The following PALM2AKAP2 variants were observed in gnomAD, a reference collection of about 807,000 sequenced individuals.
The protein encoded by PALM2AKAP2 is PALM2-AKAP2 fusion protein.
Under a neutral mutation model 71.5 loss-of-function variants are expected in PALM2AKAP2, and 37 were observed. The observed-to-expected ratio is 0.52, with a 90% CI of 0.40 to 0.68. The LOEUF (loss-of-function observed/expected upper bound fraction) is 0.68, where lower values mean the gene tolerates loss of function less well. Among genes scored for constraint, PALM2AKAP2 ranks in the 30% least tolerant of loss-of-function variants. The pLI, the probability that PALM2AKAP2 is intolerant of heterozygous loss-of-function variation, is 0.00. For missense variants in PALM2AKAP2, 1,224 were observed against 1,191.8 expected (o/e 1.03, Z -0.40); for synonymous variants, 468 against 478.8 (o/e 0.98, Z 0.29).
intron 6 of PALM2AKAP2, among the ~76,000 whole-genome samples, chr9:109,980,277 C>T (rs911714426): frequency 2.0e-5 from 3 of 152,178 alleles, no homozygotes; most frequent in African/African-American, 7.2e-5. Context: ...CCTTGCTTTC[C>T]TCAGTGAAAG....
intron 1 of PALM2AKAP2, among the ~76,000 whole-genome samples, chr9:109,832,491 T>C (rs1262642671): frequency 6.6e-6 from 1 of 152,212 alleles, no homozygotes; most frequent in African/African-American, 2.4e-5. Flanking sequence ...TTTTCAACTT[T>C]GGTCCCTAGG....
intron 1 of PALM2AKAP2, among the ~76,000 whole-genome samples, chr9:110,053,523 G>A (rs1221262693): frequency 1.8e-5 from 1 of 54,608 alleles, no homozygotes; most frequent in African/African-American, 7.5e-5. Context: ...CAAGAACTCT[G>A]TCTCAAAAAA....
At chr9:110,141,069 T>G (rs1836015970) in intron 2 of PALM2AKAP2, among the ~76,000 whole-genome samples, 1 of 152,228 alleles carries the variant, frequency 6.6e-6, no homozygotes, top group Non-Finnish European at 1.5e-5. Context: ...TCCAACTTTA[T>G]TTCTAGCACA....
chr9:109,988,998 C>T (rs920511908), intron 6 of PALM2AKAP2, among the ~76,000 whole-genome samples: 2 of 152,140 alleles, frequency 1.3e-5, no homozygotes, highest in African/African-American at 4.8e-5. Flanking sequence ...GTGCCTTTGC[C>T]TTCTGCCATG....
At chr9:109,967,913 GGT>G (rs1438247067) in intron 6 of PALM2AKAP2, among the ~76,000 whole-genome samples, 1 of 152,170 alleles carries the variant, frequency 6.6e-6, no homozygotes, top group Admixed American at 6.5e-5. Flanking sequence ...CAGGCAGGAT[GGT>G]GTGTGAGTAT....
At chr9:110,110,979 A>G (rs911543165) in intron 1 of PALM2AKAP2, among the ~76,000 whole-genome samples, 1 of 151,866 alleles carries the variant, frequency 6.6e-6, no homozygotes, top group African/African-American at 2.4e-5. Flanking sequence ...GTTTTTGTTC[A>G]TATCCCAATT....
intron 7 of PALM2AKAP2, among the ~76,000 whole-genome samples, chr9:110,038,928 T>C (rs1436100822): frequency 4.9e-5 from 1 of 20,498 alleles, no homozygotes; most frequent in Non-Finnish European, 9.0e-5. Context: ...AGAGCAAAAC[T>C]CGGTCTCAAA....
chr9:109,750,724 T>G (rs1186649819), intron 1 of PALM2AKAP2, among the ~76,000 whole-genome samples: 4 of 152,132 alleles, frequency 2.6e-5, no homozygotes, highest in African/African-American at 9.7e-5. Flanking sequence ...CTAAAGGTCA[T>G]GATAGCTACT....
rs537760635 is a variant in PALM2AKAP2 at position 110,003,548 on chromosome 9, A to G, written c.497-12406A>G. On this transcript the variant is annotated intron_variant, in intron 6 of 9. Transcript: ENST00000302798. ...AGTTCTGTAGATGTCTATTAGGTCCACTTGGTGCAGAGCTGAGTTCAATTC... is the reference window on the plus strand; with the variant it reads ...AGTTCTGTAGATGTCTATTAGGTCCGCTTGGTGCAGAGCTGAGTTCAATTC... 3.0e-3 allele frequency among the ~76,000 whole-genome samples: 462 copies of G among 152,208 alleles called. 6 individuals carry two copies. The highest frequency in any genetic ancestry group is 0.011 in the African/African-American group (448 of 41,524).
At chr9:110,092,134 T>C (rs10980183) in intron 1 of PALM2AKAP2, among the ~76,000 whole-genome samples, 30,549 of 151,890 alleles carry the variant, frequency 0.2, 4,221 homozygotes, top group African/African-American at 0.39. Context: ...GAGTTCAAGA[T>C]CAGCCTGGCC....
Position 109,670,772 on chromosome 9 carries a change from C to T in PALM2AKAP2, c.5+29906C>T, listed in dbSNP as rs1014474585. Among the ~76,000 whole-genome samples the T allele has an allele frequency of 3.3e-5, 5 of 152,262 alleles. No homozygotes were observed. In the South Asian group the frequency reaches 6.2e-4, roughly 19 times the overall value. Reference sequence around the variant, plus strand: ...GGATTCCTTTTTCTCCACAACCTCACCAGCATCTTTTATTTTTTGACTATT... The same window carrying T: ...GGATTCCTTTTTCTCCACAACCTCATCAGCATCTTTTATTTTTTGACTATT... On this transcript the variant is annotated intron_variant, in intron 1 of 6. Coordinates refer to the PALM2AKAP2 transcript ENST00000374531.
At chr9:109,842,069 T>C (rs1429238439) in intron 1 of PALM2AKAP2, among the ~76,000 whole-genome samples, 1 of 151,928 alleles carries the variant, frequency 6.6e-6, no homozygotes, top group African/African-American at 2.4e-5. Flanking sequence ...ACCTACCTGG[T>C]GGATGACATG....
intron 6 of PALM2AKAP2, among the ~76,000 whole-genome samples, chr9:109,965,019 C>T (rs1380945921): frequency 2.0e-5 from 3 of 152,104 alleles, no homozygotes; most frequent in Admixed American, 2.0e-4. Flanking sequence ...ACACATAGAA[C>T]CTTGAATTAT....
chr9:109,940,688 G>T (rs759039952), intron 6 of PALM2AKAP2, among the ~76,000 whole-genome samples: 1 of 152,122 alleles, frequency 6.6e-6, no homozygotes, highest in Non-Finnish European at 1.5e-5. Context: ...TAGGCAGAGG[G>T]ACAGCAGGCA....
chr9:109,981,604 C>T (rs2132196644), intron 6 of PALM2AKAP2, among the ~76,000 whole-genome samples: 1 of 152,312 alleles, frequency 6.6e-6, no homozygotes, highest in Admixed American at 6.5e-5. Context: ...TAGCATGGAA[C>T]TGAAACAGGG....
At chr9:109,715,300 G>A (rs1250616763) in intron 1 of PALM2AKAP2, among the ~76,000 whole-genome samples, 1 of 152,160 alleles carries the variant, frequency 6.6e-6, no homozygotes, top group Non-Finnish European at 1.5e-5. Context: ...AGTCAAAAAG[G>A]TTTTGGGGAC....
chr9:110,016,929 G>A (rs1832990196), intron 7 of PALM2AKAP2, among the ~76,000 whole-genome samples: 1 of 152,142 alleles, frequency 6.6e-6, no homozygotes, highest in Non-Finnish European at 1.5e-5. Context: ...GCCCAGGCCG[G>A]AGTGCAGTGG....
chr9:109,941,523 T>C (rs1831366890), intron 6 of PALM2AKAP2, among the ~76,000 whole-genome samples: 1 of 152,204 alleles, frequency 6.6e-6, no homozygotes, highest in Non-Finnish European at 1.5e-5. Flanking sequence ...GCTGCTGTTA[T>C]TTGGCATGGA....
intron 6 of PALM2AKAP2, among the ~76,000 whole-genome samples, chr9:110,002,561 T>G (rs189759519): frequency 0.018 from 2,779 of 152,082 alleles, 91 homozygotes; most frequent in African/African-American, 0.062. Flanking sequence ...GAGTTAGGGA[T>G]GATTCCCTTT....
Sources: allele counts gnomAD v4.1 joint callset (sites outside exome capture counted in the v4.1 genomes callset), GRCh38; gene constraint gnomAD v4.1.1; transcripts MANE v1.5; gene names NCBI Gene and HGNC (gene_info 2026-07-23, HGNC 2026-07-21).